The following DMD variants were observed in gnomAD, a reference collection of about 807,000 sequenced individuals.
The protein encoded by DMD is dystrophin, also known as mutant dystrophin.
In DMD, 63 loss-of-function variants were observed where a neutral mutation model predicts 330.1. The ratio of observed to expected loss-of-function variants is 0.19; its 90% CI spans 0.16 to 0.24. The LOEUF (loss-of-function observed/expected upper bound fraction) is 0.24. Among genes scored for constraint, DMD ranks in the 10% least tolerant of loss-of-function variants. The pLI, the probability that DMD is intolerant of heterozygous loss-of-function variation, is 1.00. For missense variants in DMD, 3,344 were observed against 2,684.1 expected (o/e 1.25, Z -5.43); for synonymous variants, 1,223 against 959.8 (o/e 1.27, Z -5.07).
At chrX:31,752,764 C>G (rs1271150543) in intron 51 of DMD, among the ~76,000 whole-genome samples, 2 of 111,074 alleles carry the variant, frequency 1.8e-5, no homozygotes, top group Non-Finnish European at 3.8e-5. Flanking sequence ...ACCATCTTCC[C>G]CTTAGCTCAG....
chrX:31,829,929 C>T (rs1408586994), intron 49 of DMD, among the ~76,000 whole-genome samples: 1 of 112,273 alleles, frequency 8.9e-6, no homozygotes, highest in Non-Finnish European at 1.9e-5. Flanking sequence ...AAATGCTTCC[C>T]TAATTTCAGC....
chrX:32,076,856 C>A (rs2096356194), intron 44 of DMD, among the ~76,000 whole-genome samples: 1 of 111,177 alleles, frequency 9.0e-6, no homozygotes, highest in Non-Finnish European at 1.9e-5. Context: ...TGGAGGGGTT[C>A]TGCAAACTGC....
At chrX:32,625,666 AT>A (rs1299599431) in intron 11 of DMD, among the ~76,000 whole-genome samples, 5 of 112,424 alleles carry the variant, frequency 4.4e-5, no homozygotes, top group African/African-American at 1.6e-4. Context: ...TCCTAATAGC[AT>A]TTTTTGTGCT....
intron 1 of DMD, among the ~76,000 whole-genome samples, chrX:33,036,383 G>A (rs924876794): frequency 9.0e-6 from 1 of 111,103 alleles, no homozygotes; most frequent in Admixed American, 9.6e-5. Flanking sequence ...TTCCAATGTT[G>A]TTCAAACACA....
chrX:31,864,001 T>C (rs1259973302), intron 48 of DMD, among the ~76,000 whole-genome samples: 2 of 111,279 alleles, frequency 1.8e-5, no homozygotes, highest in African/African-American at 6.5e-5. Flanking sequence ...AGACATTATA[T>C]TGCAATGGTA....
intron 43 of DMD, among the ~76,000 whole-genome samples, chrX:32,251,201 A>G (rs2097262390): frequency 9.0e-6 from 1 of 111,016 alleles, no homozygotes; most frequent in African/African-American, 3.3e-5. Flanking sequence ...ATAATTAAAA[A>G]AAAAAGTTCC....
chrX:33,198,047 A>G (rs1276994014), intron 1 of DMD, among the ~76,000 whole-genome samples: 1 of 111,372 alleles, frequency 9.0e-6, no homozygotes, highest in Non-Finnish European at 1.9e-5. Flanking sequence ...AATATTAGAA[A>G]GACCCAGTTC....
chrX:32,871,983 C>T (rs2083034063), intron 2 of DMD, among the ~76,000 whole-genome samples: 1 of 110,695 alleles, frequency 9.0e-6, no homozygotes, highest in Non-Finnish European at 1.9e-5. Context: ...CTTCTGGGCA[C>T]TCCAGGCATG....
At chrX:32,064,042 T>A (rs1466333000) in intron 44 of DMD, among the ~76,000 whole-genome samples, 2 of 111,258 alleles carry the variant, frequency 1.8e-5, no homozygotes, top group African/African-American at 6.5e-5. Flanking sequence ...AAGTGGAGGT[T>A]AAAAGTTTTG....
At chrX:33,074,692 A>G (rs2094811905) in intron 1 of DMD, among the ~76,000 whole-genome samples, 1 of 111,433 alleles carries the variant, frequency 9.0e-6, no homozygotes, top group Non-Finnish European at 1.9e-5. Flanking sequence ...CCCTCCTGCC[A>G]TGTGATGCCC....
At chrX:31,615,927 T>C (rs1569554934) in intron 55 of DMD, among the ~76,000 whole-genome samples, 1 of 112,210 alleles carries the variant, frequency 8.9e-6, no homozygotes, top group Non-Finnish European at 1.9e-5. Context: ...ATATTAGCTA[T>C]GTTTATTGGG....
chrX:31,249,317 C>T (rs781218778), intron 63 of DMD, among the ~76,000 whole-genome samples: 76 of 111,550 alleles, frequency 6.8e-4, no homozygotes, highest in Middle Eastern at 9.2e-3. Flanking sequence ...TCTTGGCTCA[C>T]TGCAACCCGT....
intron 74 of DMD, among the ~76,000 whole-genome samples, chrX:31,149,772 C>G (rs1018583634): frequency 5.4e-5 from 6 of 111,682 alleles, no homozygotes; most frequent in Non-Finnish European, 1.1e-4. Context: ...TATACATCAC[C>G]TGATTCAATT....
At chrX:31,264,180 G>C (rs1441287573) in intron 62 of DMD, among the ~76,000 whole-genome samples, 1 of 112,094 alleles carries the variant, frequency 8.9e-6, no homozygotes, top group African/African-American at 3.3e-5. Flanking sequence ...TTCTAAAACA[G>C]TAGAGAATTC....
chrX:32,235,507 C>G (rs137911776), intron 43 of DMD, among the ~76,000 whole-genome samples: 1,241 of 110,696 alleles, frequency 0.011, 11 homozygotes, highest in African/African-American at 0.039. Context: ...GGTACCCTGC[C>G]ATAAAATACT....
At chrX:31,271,828 G>A (rs930290151) in intron 62 of DMD, among the ~76,000 whole-genome samples, 6 of 110,726 alleles carry the variant, frequency 5.4e-5, no homozygotes, top group Admixed American at 1.9e-4. Context: ...ATGGGTTGGT[G>A]TATGGTGAAT....
At chrX:32,502,170 A>G (rs1286195604) in intron 18 of DMD, among the ~76,000 whole-genome samples, 1 of 111,847 alleles carries the variant, frequency 8.9e-6, no homozygotes, top group Non-Finnish European at 1.9e-5. Flanking sequence ...GTGTCACATA[A>G]CTAAAATGAA....
intron 1 of DMD, chrX:33,128,500 T>C: frequency 2.4e-6 from 2 of 826,983 alleles, no homozygotes; most frequent in Non-Finnish European, 3.0e-6. Context: ...TACGTTCCCT[T>C]CTAATCAGTA....
At chrX:32,854,075 C>T (rs1335899258) in intron 2 of DMD, among the ~76,000 whole-genome samples, 1 of 111,473 alleles carries the variant, frequency 9.0e-6, no homozygotes, top group Non-Finnish European at 1.9e-5. Flanking sequence ...ATATATAAAG[C>T]AACATTATTA....
Sources: gnomAD v4.1 joint callset for allele counts (sites outside exome capture counted in the v4.1 genomes callset) on GRCh38, gnomAD v4.1.1 for gene constraint, MANE v1.5 for transcripts, NCBI Gene and HGNC (gene_info 2026-07-23, HGNC 2026-07-21) for gene names.